The following ARHGAP8 variants were observed in gnomAD, a reference collection of about 807,000 sequenced individuals.
ARHGAP8 encodes the protein rho GTPase-activating protein 8.
Under a neutral mutation model 46.1 loss-of-function variants are expected in ARHGAP8, and 62 were observed. The ratio of observed to expected loss-of-function variants is 1.34; its 90% CI spans 1.10 to 1.66. ARHGAP8 has a LOEUF of 1.66. ARHGAP8 is among the 40% of genes most tolerant of loss of function. The pLI, the probability that ARHGAP8 is intolerant of heterozygous loss-of-function variation, is 0.00. For missense variants in ARHGAP8, 923 were observed against 568.4 expected (o/e 1.62, Z -6.34); for synonymous variants, 375 against 243.1 (o/e 1.54, Z -5.05).
chr22:44,840,491 G>A lies in ARHGAP8; in HGVS notation c.597-4778G>A, dbSNP rs939920518. Reference sequence around the variant, plus strand: ...TGCAAGGGTCTTTGTGATCCTGTCCGGTATCTTAGTCTATTCCGGTTGCTA... The same window carrying A: ...TGCAAGGGTCTTTGTGATCCTGTCCAGTATCTTAGTCTATTCCGGTTGCTA... On this transcript the variant is annotated intron_variant, in intron 7 of 11. Transcript: ENST00000356099. 4.0e-5 allele frequency among the ~76,000 whole-genome samples: 6 copies of A among 151,806 alleles called. No homozygotes were observed. In the East Asian group the frequency reaches 5.8e-4, roughly 15 times the overall value.
chr22:44,802,355 C>T (rs755606773), intron 3 of ARHGAP8, among the ~76,000 whole-genome samples, 191 bp downstream of exon 3: 31 of 152,186 alleles, frequency 2.0e-4, no homozygotes, highest in Non-Finnish European at 3.8e-4. Flanking sequence ...CCCTGGGCTT[C>T]TGTGCACCAT....
rs1408803871 is a variant in ARHGAP8, at chr22:44,848,051, G to A, written c.748+1G>A. On this transcript the variant is annotated splice_donor_variant, in intron 9 of 11. Coordinates refer to ENST00000356099, the MANE Select transcript of ARHGAP8 (RefSeq NM_181335.3). LOFTEE classifies it high-confidence loss of function. ...GAGATCCAGAGGCTCTACAACCAAG[G>A]TGAGGGTGTCCCGCAGTCCTGAGCC... The A allele has an allele frequency of 2.5e-6, 4 of 1,605,970 alleles. No individual in the cohort carries two copies. The highest frequency in any genetic ancestry group is 3.4e-6 in the Non-Finnish European group (4 of 1,179,922).
intron 1 of ARHGAP8, among the ~76,000 whole-genome samples, chr22:44,785,087 C>T (rs1262508625): frequency 6.6e-6 from 1 of 152,208 alleles, no homozygotes; most frequent in African/African-American, 2.4e-5. Flanking sequence ...CCATGTGAGG[C>T]AGCCCTCAGG....
At chr22:44,833,096 C>CTTTTCTTTTCTTT (rs535842585) in intron 7 of ARHGAP8, among the ~76,000 whole-genome samples, 148 of 120,420 alleles carry the variant, frequency 1.2e-3, no homozygotes, top group Non-Finnish European at 1.9e-3. Flanking sequence ...CTTTTCTTTT[C>CTTTTCTTTTCTTT]TTTTTTTTTT....
chr22:44,853,270 C>G (rs1468048989), intron 10 of ARHGAP8, among the ~76,000 whole-genome samples: 2 of 152,142 alleles, frequency 1.3e-5, no homozygotes, highest in East Asian at 1.9e-4. Context: ...GGTGAACTTT[C>G]TGAGCAGACT....
intron 1 of ARHGAP8, among the ~76,000 whole-genome samples, chr22:44,780,591 GGCGGAGGTT>G (rs3086941): frequency 0.074 from 11,194 of 152,076 alleles, 855 homozygotes; most frequent in African/African-American, 0.2. Context: ...GAACCAGGGA[GGCGGAGGTT>G]GCATTGAGCC....
chr22:44,805,236 C>T (rs553994820), intron 3 of ARHGAP8, among the ~76,000 whole-genome samples: 1 of 152,336 alleles, frequency 6.6e-6, no homozygotes, highest in South Asian at 2.1e-4. Context: ...TCACGATTTG[C>T]TGTTCTTATA....
intron 1 of ARHGAP8, among the ~76,000 whole-genome samples, chr22:44,756,009 G>C (rs1474726364): frequency 2.0e-5 from 3 of 152,168 alleles, no homozygotes; most frequent in Non-Finnish European, 4.4e-5. Flanking sequence ...TATTGGTCTT[G>C]GTTCTGTCTC....
In ARHGAP8 at chr22:44,814,653, C is replaced by A; in HGVS notation, c.300-19C>A. ...TCGGAGCGCGGCAGCCTGAAGTCAT[C>A]CCCCGTTTCCCTCCTCAGGTACAAG... On this transcript the variant is annotated intron_variant, in intron 4 of 11. Coordinates refer to ENST00000356099, the MANE Select transcript of ARHGAP8 (RefSeq NM_181335.3). The A allele has an allele frequency of 1.2e-6, 2 of 1,609,616 alleles. No homozygotes were observed. The highest frequency in any genetic ancestry group is 1.7e-6 in the Non-Finnish European group (2 of 1,177,998).
chr22:44,808,640 AT>A (rs35386894), intron 4 of ARHGAP8: 250,647 of 786,058 alleles, frequency 0.32, 30,194 homozygotes, highest in East Asian at 0.43. Context: ...GTTGGCACTC[AT>A]TTTTTTTTTT....
intron 2 of ARHGAP8, among the ~76,000 whole-genome samples, chr22:44,800,277 T>C (rs1157747327): frequency 2.0e-5 from 3 of 152,004 alleles, no homozygotes; most frequent in Non-Finnish European, 4.4e-5. Context: ...CTAATTTTTT[T>C]GTATTTTTAG....
At chr22:44,785,442 T>A (rs768817759) in intron 1 of ARHGAP8, among the ~76,000 whole-genome samples, 3 of 152,020 alleles carry the variant, frequency 2.0e-5, no homozygotes, top group Non-Finnish European at 4.4e-5. Flanking sequence ...GTTCCTGGTG[T>A]CCCTTGGCTT....
intron 1 of ARHGAP8, among the ~76,000 whole-genome samples, chr22:44,760,245 T>G (rs1925027656): frequency 1.3e-5 from 2 of 152,174 alleles, no homozygotes. Flanking sequence ...ATTAACGAAT[T>G]CATGCATAGC....
intron 7 of ARHGAP8, among the ~76,000 whole-genome samples, chr22:44,842,729 C>A (rs1273213856): frequency 6.6e-6 from 1 of 152,094 alleles, no homozygotes; most frequent in African/African-American, 2.4e-5. Flanking sequence ...GTGACATAGA[C>A]CCTCAGAGCC....
intron 1 of ARHGAP8, among the ~76,000 whole-genome samples, chr22:44,781,014 TTCCACAGAC>T (rs1926806492): frequency 6.6e-6 from 1 of 152,032 alleles, no homozygotes; most frequent in Admixed American, 6.5e-5. Flanking sequence ...ATCCCCTGGG[TTCCACAGAC>T]TCCCGTGCAC....
In ARHGAP8 at chr22:44,858,369, G is replaced by GT. The variant is rs67748773; in HGVS notation, c.878-1347dup. On this transcript the variant is annotated intron_variant, in intron 10 of 11. Transcript: ENST00000356099. ...GGTGAATACTTGTTGGTTGGTGGTG[G>GT]TTTTTTTTTTTTTTTGAGATGGAGT... is the stretch of plus-strand genomic sequence containing the variant. Among the ~76,000 whole-genome samples the GT allele has an allele frequency of 9.1e-3, 1,293 of 142,016 alleles. 9 individuals are homozygous for GT. The highest frequency in any genetic ancestry group is 0.016 in the South Asian group (71 of 4,484). 93.2% of individuals were successfully genotyped at this position (142,016 alleles called of 152,430 possible).
At chr22:44,754,278 A>G (rs1924486253) in intron 1 of ARHGAP8, among the ~76,000 whole-genome samples, 1 of 151,968 alleles carries the variant, frequency 6.6e-6, no homozygotes, top group African/African-American at 2.4e-5. Flanking sequence ...GGAAAAGTCC[A>G]TGGAGTGCCT....
intron 2 of ARHGAP8, among the ~76,000 whole-genome samples, chr22:44,793,757 A>G (rs1927879332): frequency 6.6e-6 from 1 of 152,198 alleles, no homozygotes; most frequent in Non-Finnish European, 1.5e-5. Flanking sequence ...GGGGTCATGA[A>G]TTCATCTGAT....
Position 44,828,727 on chromosome 22 carries a change from C to T in ARHGAP8, c.596+3134C>T, listed in dbSNP as rs183117930. 8.9e-3 allele frequency among the ~76,000 whole-genome samples: 1,349 copies of T among 151,790 alleles called. 22 individuals carry two copies. The highest frequency in any genetic ancestry group is 0.031 in the African/African-American group (1,263 of 41,388). ...CTCGGCCTCCTACTGGGATAACAGG[C>T]GTCAGCCAGCACACCTAGCCCGGGC... On this transcript the variant is annotated intron_variant, in intron 7 of 11. Coordinates refer to ENST00000356099, the MANE Select transcript of ARHGAP8 (RefSeq NM_181335.3).
Sources: gnomAD v4.1 joint callset for allele counts (sites outside exome capture counted in the v4.1 genomes callset) on GRCh38, gnomAD v4.1.1 for gene constraint, MANE v1.5 for transcripts, NCBI Gene and HGNC (gene_info 2026-07-23, HGNC 2026-07-21) for gene names.